Variants in SPIDR observed in about 807,000 individuals in gnomAD.
The protein encoded by SPIDR is scaffold protein involved in DNA repair, also known as DNA repair-scaffolding protein.
Under a neutral mutation model 104.6 loss-of-function variants are expected in SPIDR, and 93 were observed. That is an observed-to-expected ratio of 0.89 (90% CI 0.75 to 1.06). The LOEUF (loss-of-function observed/expected upper bound fraction) is 1.06, where lower values mean the gene tolerates loss of function less well. Among genes scored for constraint, SPIDR ranks in the 50% least tolerant of loss-of-function variants. SPIDR has a pLI of 0.00. For synonymous variants in SPIDR, 431 were observed against 416.9 expected, an observed-to-expected ratio of 1.03 and a Z score of -0.41; for missense variants, 1,154 against 1,111.2, an observed-to-expected ratio of 1.04 and a Z score of -0.55.
Position 47,673,872 on chromosome 8 carries a change from C to T in SPIDR, c.1616C>T (p.Ala539Val). 1 of 1,614,100 alleles carries T rather than the reference C, an allele frequency of 6.2e-7. No individual in the cohort carries two copies. The highest frequency in any genetic ancestry group is 8.5e-7 in the Non-Finnish European group (1 of 1,180,028). Residue 539 changes from alanine (A) to valine (V), a missense_variant, in exon 11 of 20, where the codon GCA becomes GTA. Physicochemically the swap from Ala to Val is moderately conservative, Grantham distance 64. Transcript: ENST00000297423. ...EVHLEFTMSK[A>V]RQLEGKSCSL... Reference sequence around the variant, plus strand: ...CACTTGGAGTTCACCATGTCGAAGGCAAGACAGTTGGAAGGGAAGTCTTGC... The same window carrying T: ...CACTTGGAGTTCACCATGTCGAAGGTAAGACAGTTGGAAGGGAAGTCTTGC...
chr8:47,402,349 A>G (rs1554663766), intron 6 of SPIDR, among the ~76,000 whole-genome samples: 2 of 152,206 alleles, frequency 1.3e-5, no homozygotes, highest in African/African-American at 4.8e-5. Context: ...AGAAATAACT[A>G]AGATCAGAGC....
chr8:47,522,869 T>C (rs1166738421), intron 8 of SPIDR, among the ~76,000 whole-genome samples: 1 of 152,184 alleles, frequency 6.6e-6, no homozygotes, highest in Non-Finnish European at 1.5e-5. Flanking sequence ...ATTTGTGAAA[T>C]CTCTAGTAAC....
chr8:47,393,676 T>C (rs1373364425), intron 5 of SPIDR, among the ~76,000 whole-genome samples: 5 of 7,256 alleles, frequency 6.9e-4, no homozygotes, highest in East Asian at 0.012. Flanking sequence ...CTTTCCTTTT[T>C]CCTTTCCTTT....
At chr8:47,462,092 T>G (rs2074037363) in intron 8 of SPIDR, among the ~76,000 whole-genome samples, 1 of 152,176 alleles carries the variant, frequency 6.6e-6, no homozygotes, top group African/African-American at 2.4e-5. Flanking sequence ...CAGATTCTTT[T>G]GTCCCACAGG....
At chr8:47,277,304 ATGTTATGTT>A (rs1251271955) in intron 1 of SPIDR, among the ~76,000 whole-genome samples, 8 of 147,970 alleles carry the variant, frequency 5.4e-5, no homozygotes, top group East Asian at 2.0e-4. Context: ...ATTTTAATTT[ATGTTATGTT>A]TGTTATGTTA....
chr8:47,344,214 C>T (rs1168231645), intron 5 of SPIDR, among the ~76,000 whole-genome samples: 13 of 151,062 alleles, frequency 8.6e-5, no homozygotes, highest in Non-Finnish European at 1.6e-4. Flanking sequence ...TGAGAACATG[C>T]GGTGTTTGGT....
At chr8:47,660,891 G>A in intron 10 of SPIDR, 1 of 933,920 alleles carries the variant, frequency 1.1e-6, no homozygotes, top group Non-Finnish European at 1.3e-6. Context: ...TTAACTGCAT[G>A]TGTAACAATG....
At chr8:47,653,970 T>C in intron 10 of SPIDR, 1 of 1,246,776 alleles carries the variant, frequency 8.0e-7, no homozygotes, top group Non-Finnish European at 1.0e-6. Context: ...AGTTTGACTT[T>C]GAAAAATGAT....
At chr8:47,613,309 G>A (rs773040881) in intron 10 of SPIDR, among the ~76,000 whole-genome samples, 4 of 152,186 alleles carry the variant, frequency 2.6e-5, no homozygotes, top group Non-Finnish European at 5.9e-5. Flanking sequence ...GCTCATCCAT[G>A]CTGTAGCATG....
intron 8 of SPIDR, among the ~76,000 whole-genome samples, chr8:47,456,710 C>A (rs1260200061): frequency 5.3e-5 from 8 of 152,108 alleles, no homozygotes; most frequent in Admixed American, 5.2e-4. Flanking sequence ...GCACCCATCA[C>A]CCAAGCAGTA....
intron 11 of SPIDR, among the ~76,000 whole-genome samples, chr8:47,689,225 G>A (rs553212083): frequency 1.3e-5 from 2 of 152,156 alleles, no homozygotes; most frequent in African/African-American, 2.4e-5. Context: ...AGGCAGGGCC[G>A]CAGGAAGCAT....
intron 10 of SPIDR, among the ~76,000 whole-genome samples, chr8:47,629,045 G>A (rs1244047643): frequency 6.6e-6 from 1 of 152,174 alleles, no homozygotes; most frequent in Non-Finnish European, 1.5e-5. Flanking sequence ...CTCCCTTTAA[G>A]GGTCACAGCA....
chr8:47,687,990 T>C (rs2078038208), intron 11 of SPIDR, among the ~76,000 whole-genome samples: 1 of 150,074 alleles, frequency 6.7e-6, no homozygotes, highest in South Asian at 2.1e-4. Flanking sequence ...GGGTGACAGA[T>C]TGAGACCTGG....
chr8:47,385,587 T>C (rs1023779085), intron 5 of SPIDR, among the ~76,000 whole-genome samples: 1 of 152,236 alleles, frequency 6.6e-6, no homozygotes, highest in African/African-American at 2.4e-5. Flanking sequence ...TCACTCTTTC[T>C]GTCAGTGGCC....
chr8:47,463,465 G>T (rs1554715021), intron 8 of SPIDR, among the ~76,000 whole-genome samples: 1 of 151,900 alleles, frequency 6.6e-6, no homozygotes, highest in East Asian at 1.9e-4. Context: ...ATTAACACCA[G>T]TTGTTCTCAA....
At chr8:47,293,477 C>T (rs920336039) in intron 4 of SPIDR, among the ~76,000 whole-genome samples, 4 of 151,774 alleles carry the variant, frequency 2.6e-5, no homozygotes, top group Non-Finnish European at 4.4e-5. Context: ...GACAGAGTCT[C>T]GTTCTGTTGC....
At chr8:47,312,845 A>G (rs1344227606) in intron 5 of SPIDR, among the ~76,000 whole-genome samples, 1 of 152,116 alleles carries the variant, frequency 6.6e-6, no homozygotes, top group Non-Finnish European at 1.5e-5. Flanking sequence ...TAGGGTTTTT[A>G]TGGTTTTAGG....
rs1364154211 is a variant in SPIDR, at chr8:47,673,978, A to G, written c.1685+37A>G. The G allele has an allele frequency of 1.1e-5, 18 of 1,596,070 alleles. No homozygotes were observed. The East Asian group carries it at 1.8e-4, about 16-fold the overall frequency. On this transcript the variant is annotated intron_variant, in intron 11 of 19. Coordinates refer to ENST00000297423, the MANE Select transcript of SPIDR (RefSeq NM_001080394.4). ...CAGGAATGGCATCCAATTTGCTACA[A>G]TTGTTGGTTCTTTTTCTTAGTCTTT...
chr8:47,657,049 G>A (rs913104725), intron 10 of SPIDR, among the ~76,000 whole-genome samples: 1 of 152,130 alleles, frequency 6.6e-6, no homozygotes, highest in Non-Finnish European at 1.5e-5. Flanking sequence ...GTTTCCTTTT[G>A]GGATGATAAA....
Sources: gnomAD v4.1 joint callset for allele counts (sites outside exome capture counted in the v4.1 genomes callset) on GRCh38, gnomAD v4.1.1 for gene constraint, MANE v1.5 for transcripts, NCBI Gene and HGNC (gene_info 2026-07-23, HGNC 2026-07-21) for gene names.